Variants in MALRD1 observed in about 807,000 individuals in gnomAD.
MALRD1 encodes MAM and LDL receptor class A domain containing 1.
Under a neutral mutation model 242.1 loss-of-function variants are expected in MALRD1, and 247 were observed. The observed-to-expected ratio is 1.02, with a 90% CI of 0.92 to 1.13. MALRD1 has a LOEUF of 1.13. MALRD1 is among the 50% of genes most tolerant of loss of function. The pLI is 0.00. For synonymous variants in MALRD1, 995 were observed against 866.6 expected (o/e 1.15, Z -2.60); for missense variants, 2,989 against 2,533.1 (o/e 1.18, Z -3.86).
chr10:19,237,358 A>C (rs1457786595), intron 18 of MALRD1, among the ~76,000 whole-genome samples: 2 of 149,918 alleles, frequency 1.3e-5, no homozygotes, highest in African/African-American at 4.9e-5. Flanking sequence ...TTTTTTTTTT[A>C]AGATTCCACA....
intron 33 of MALRD1, among the ~76,000 whole-genome samples, chr10:19,575,566 T>C (rs999423647): frequency 5.9e-5 from 9 of 152,122 alleles, no homozygotes; most frequent in Non-Finnish European, 1.2e-4. Flanking sequence ...CGAGCAATAA[T>C]TTTTTTCATA....
intron 22 of MALRD1, among the ~76,000 whole-genome samples, chr10:19,326,676 T>C (rs1266660257): frequency 3.9e-5 from 6 of 152,058 alleles, no homozygotes; most frequent in Admixed American, 3.3e-4. Context: ...ATTTTTTCTA[T>C]GACTCTGGAA....
chr10:19,704,270 G>T (rs560019283), intron 38 of MALRD1, among the ~76,000 whole-genome samples: 1 of 152,122 alleles, frequency 6.6e-6, no homozygotes, highest in Admixed American at 6.5e-5. Flanking sequence ...AAACTCGGTG[G>T]TATAAACAAG....
rs189903426 is a variant in MALRD1 at position 19,216,678 on chromosome 10, G to A, written c.2991+6998G>A. Among the ~76,000 whole-genome samples the A allele has an allele frequency of 8.7e-3, 1,312 of 150,528 alleles. 23 individuals are homozygous for A. The highest frequency in any genetic ancestry group is 0.03 in the African/African-American group (1,249 of 41,008). Reference sequence around the variant, plus strand: ...GTGGAGAGGCCAGCTGGGTGCGGTGGCTCACGCCTGTAATCCCAGCACTTT... The same window carrying A: ...GTGGAGAGGCCAGCTGGGTGCGGTGACTCACGCCTGTAATCCCAGCACTTT... On this transcript the variant is annotated intron_variant, in intron 18 of 39. Transcript: ENST00000454679.
chr10:19,462,718 T>G (rs758904426), intron 29 of MALRD1, among the ~76,000 whole-genome samples: 1 of 152,200 alleles, frequency 6.6e-6, no homozygotes, highest in Non-Finnish European at 1.5e-5. Context: ...CACAGATAAG[T>G]TGATTATTCT....
intron 33 of MALRD1, among the ~76,000 whole-genome samples, chr10:19,584,734 A>T (rs903723725): frequency 6.6e-6 from 1 of 152,012 alleles, no homozygotes; most frequent in African/African-American, 2.4e-5. Context: ...GTAGATGTCT[A>T]TTAGGTCCAC....
intron 36 of MALRD1, among the ~76,000 whole-genome samples, chr10:19,680,001 G>A (rs924014196): frequency 2.0e-5 from 3 of 152,174 alleles, no homozygotes; most frequent in African/African-American, 4.8e-5. Context: ...TGATTGTGCT[G>A]TTGTCTGAGA....
At chr10:19,082,727 A>G (rs1049044585) in intron 2 of MALRD1, among the ~76,000 whole-genome samples, 1 of 151,868 alleles carries the variant, frequency 6.6e-6, no homozygotes, top group African/African-American at 2.4e-5. Flanking sequence ...ACTCTCCCAA[A>G]AACTCCCACA....
intron 14 of MALRD1, among the ~76,000 whole-genome samples, chr10:19,189,427 A>T (rs1835880995): frequency 6.6e-6 from 1 of 152,162 alleles, no homozygotes; most frequent in Non-Finnish European, 1.5e-5. Context: ...TTTTCCAAAA[A>T]ATTGAAGACA....
chr10:19,212,927 G>A (rs1296260612), intron 18 of MALRD1, among the ~76,000 whole-genome samples: 1 of 67,076 alleles, frequency 1.5e-5, no homozygotes, highest in African/African-American at 7.0e-5. Flanking sequence ...TTTTAAATGG[G>A]GTTGTTTGTT....
intron 33 of MALRD1, among the ~76,000 whole-genome samples, chr10:19,589,091 G>A (rs1837613377): frequency 1.3e-5 from 2 of 152,074 alleles, no homozygotes; most frequent in Admixed American, 6.5e-5. Context: ...AAGGGATTTG[G>A]AGAAATTAAA....
intron 18 of MALRD1, among the ~76,000 whole-genome samples, chr10:19,242,392 A>T (rs1474628186): frequency 6.6e-6 from 1 of 152,150 alleles, no homozygotes; most frequent in African/African-American, 2.4e-5. Flanking sequence ...GGGGATATAC[A>T]GCCAAACCAT....
At chr10:19,661,398 A>G (rs1048027639) in intron 36 of MALRD1, among the ~76,000 whole-genome samples, 3 of 152,202 alleles carry the variant, frequency 2.0e-5, no homozygotes, top group African/African-American at 7.2e-5. Context: ...ATGTCCAACA[A>G]TGATAGACTG....
chr10:19,520,998 A>G (rs1015509883), intron 31 of MALRD1, among the ~76,000 whole-genome samples: 1 of 152,092 alleles, frequency 6.6e-6, no homozygotes, highest in African/African-American at 2.4e-5. Flanking sequence ...TTCAAGCACG[A>G]CCCAAATGAT....
intron 35 of MALRD1, among the ~76,000 whole-genome samples, chr10:19,608,640 A>G (rs1019627876): frequency 1.3e-5 from 2 of 152,138 alleles, no homozygotes; most frequent in African/African-American, 4.8e-5. Context: ...TAAGTTGGAA[A>G]TATTTTATAT....
intron 31 of MALRD1, among the ~76,000 whole-genome samples, chr10:19,523,153 C>G (rs1417736807): frequency 1.3e-5 from 2 of 152,032 alleles, no homozygotes; most frequent in Non-Finnish European, 2.9e-5. Flanking sequence ...CTTCTGAGTC[C>G]TAGAGAATTT....
intron 11 of MALRD1, among the ~76,000 whole-genome samples, chr10:19,148,803 A>ATATATATATG (rs1833824002): frequency 6.9e-6 from 1 of 144,648 alleles, no homozygotes; most frequent in Non-Finnish European, 1.5e-5. Context: ...ATATATATAT[A>ATATATATATG]TATATATCTG....
chr10:19,484,080 A>G (rs572107816), intron 29 of MALRD1, among the ~76,000 whole-genome samples: 3 of 152,202 alleles, frequency 2.0e-5, no homozygotes, highest in Admixed American at 6.5e-5. Flanking sequence ...TTGGGTGCTC[A>G]TGGACATAAA....
At chr10:19,551,552 G>A (rs906175818) in intron 32 of MALRD1, among the ~76,000 whole-genome samples, 6 of 152,122 alleles carry the variant, frequency 3.9e-5, no homozygotes, top group Non-Finnish European at 5.9e-5. Context: ...CCTGCAAAGA[G>A]GGGTAATTTA....
Sources: gnomAD v4.1 joint callset for allele counts (sites outside exome capture counted in the v4.1 genomes callset) on GRCh38, gnomAD v4.1.1 for gene constraint, MANE v1.5 for transcripts, NCBI Gene and HGNC (gene_info 2026-07-23, HGNC 2026-07-21) for gene names.